The following SYNE1 variants were observed in gnomAD, a reference collection of about 807,000 sequenced individuals.
The protein encoded by SYNE1 is spectrin repeat containing nuclear envelope protein 1.
Under a neutral mutation model 1,111.0 loss-of-function variants are expected in SYNE1, and 616 were observed. The ratio of observed to expected loss-of-function variants is 0.55; its 90% CI spans 0.52 to 0.59. The LOEUF (loss-of-function observed/expected upper bound fraction) is 0.59. Ranked by LOEUF, SYNE1 falls within the 20% of genes least tolerant of loss-of-function variation. The pLI, the probability that SYNE1 is intolerant of heterozygous loss-of-function variation, is 0.00. For missense variants in SYNE1, 10,006 were observed against 10,417.0 expected (o/e 0.96, Z 1.72); for synonymous variants, 3,855 against 3,825.8 (o/e 1.01, Z -0.28).
At chr6:152,191,841 T>C (rs993157059) in intron 127 of SYNE1, among the ~76,000 whole-genome samples, 1 of 151,740 alleles carries the variant, frequency 6.6e-6, no homozygotes, top group African/African-American at 2.4e-5. Context: ...TGTTAGGTTA[T>C]TTATTTGAAG....
intron 101 of SYNE1, among the ~76,000 whole-genome samples, chr6:152,259,468 G>A (rs1304367519): frequency 2.6e-5 from 4 of 152,140 alleles, no homozygotes; most frequent in African/African-American, 9.7e-5. Flanking sequence ...AGGCCAAAAT[G>A]TGCCTGTTTT....
At chr6:152,218,959 G>A (rs2181895) in intron 120 of SYNE1, 44 bp downstream of exon 120, 1 of 1,587,414 alleles carries the variant, frequency 6.3e-7, no homozygotes, top group Admixed American at 1.7e-5. Flanking sequence ...CCAGATATTA[G>A]AGAACAGCCA....
At chr6:152,436,750 G>A (rs1018558270) in intron 32 of SYNE1, among the ~76,000 whole-genome samples, 9 of 152,172 alleles carry the variant, frequency 5.9e-5, no homozygotes, top group Admixed American at 4.6e-4. Context: ...TCACAAATAT[G>A]CTTACTTATT....
In SYNE1 at chr6:152,447,494, G is replaced by C. The variant is rs886044518; in HGVS notation, c.3633C>G (p.Ser1211=). ...QKQGDELAKL[S]SSFKALVTLL... is the part of the protein sequence containing the mutation. ...GCGTCACAAGAGCCTTGAAAGAGCT[G>C]GATAATTTTGCCAGCTCATCTCCCT... The change falls in exon 29 of 146, where the codon TCC becomes TCG. Residue 1211 remains serine, a synonymous_variant. Coordinates refer to ENST00000367255, the MANE Select transcript of SYNE1 (RefSeq NM_182961.4). 2.5e-6 allele frequency: 4 copies of C among 1,614,076 alleles called. No individual in the cohort carries two copies. Among genetic ancestry groups the C allele is most frequent in the Non-Finnish European group, 3.4e-6 (4 of 1,180,042 alleles).
chr6:152,422,401 G>A (rs1351751527), intron 39 of SYNE1, among the ~76,000 whole-genome samples: 1 of 152,186 alleles, frequency 6.6e-6, no homozygotes, highest in African/African-American at 2.4e-5. Flanking sequence ...CTAAGAGACT[G>A]ACTAAAGAAG....
intron 31 of SYNE1, 125 bp from the exon 32 acceptor site, chr6:152,441,395 G>A: frequency 2.0e-6 from 2 of 978,834 alleles, no homozygotes; most frequent in Non-Finnish European, 3.1e-6. Flanking sequence ...CAGTCACAAT[G>A]AATAGAGATG....
At chr6:152,554,652 G>T (rs1396580076) in intron 3 of SYNE1, among the ~76,000 whole-genome samples, 1 of 152,044 alleles carries the variant, frequency 6.6e-6, no homozygotes, top group Non-Finnish European at 1.5e-5. Context: ...CCTATCTAAG[G>T]TACCATTTTA....
chr6:152,428,530 A>G, intron 36 of SYNE1, 138 bp from the exon 37 acceptor site: 1 of 786,214 alleles, frequency 1.3e-6, no homozygotes, highest in East Asian at 2.7e-5. Context: ...GTACAAATAT[A>G]CAGTTTGATA....
intron 65 of SYNE1, 150 bp downstream of exon 65, chr6:152,359,165 C>A: frequency 1.8e-6 from 2 of 1,105,314 alleles, no homozygotes; most frequent in Admixed American, 1.9e-5. Context: ...TTTGATTTTG[C>A]CAGTAATTCC....
At chr6:152,139,686 AAGAAAAAGAAAG>A (rs1242753835) in intron 140 of SYNE1, among the ~76,000 whole-genome samples, 3 of 143,688 alleles carry the variant, frequency 2.1e-5, no homozygotes, top group Admixed American at 7.2e-5. Context: ...GAGAGAAAGA[AAGAAAAAGAAAG>A]AGAAAAAGAA....
intron 119 of SYNE1, 54 bp from the exon 120 acceptor site, chr6:152,219,239 A>G: frequency 6.4e-7 from 1 of 1,554,690 alleles, no homozygotes; most frequent in Non-Finnish European, 8.8e-7. Context: ...TCCTTATCAT[A>G]AACAGCAATC....
At chr6:152,360,645 C>A (rs549163654) in intron 64 of SYNE1, among the ~76,000 whole-genome samples, 13 of 152,252 alleles carry the variant, frequency 8.5e-5, no homozygotes, top group African/African-American at 3.1e-4. Flanking sequence ...GTTTTTACTG[C>A]TAGAATCGGG....
chr6:152,407,016 C>A lies in SYNE1; in HGVS notation c.6721G>T (p.Glu2241Ter). The A allele has an allele frequency of 6.2e-7, 1 of 1,613,016 alleles. No individual in the cohort carries two copies. Among genetic ancestry groups the A allele is most frequent in the Non-Finnish European group, 8.5e-7 (1 of 1,179,780 alleles). The change falls in exon 45 of 146, where the codon GAG (glutamate) becomes TAG (stop). Residue 2241 changes from glutamate (E) to a stop codon, truncating the protein, a stop_gained and splice_region_variant. Transcript: ENST00000367255. LOFTEE classifies it high-confidence loss of function. The part of the protein sequence containing the change: ...LRAEELLKEF[E>*]SEVKNKALRL... ...ATATGTCAACACAGTCAATTTACCTCAAATTCTTTAAGCAGTTCTTCAGCT... is the reference window on the plus strand; with the variant it reads ...ATATGTCAACACAGTCAATTTACCTAAAATTCTTTAAGCAGTTCTTCAGCT...
chr6:152,262,932 C>T (rs762496156), intron 100 of SYNE1, among the ~76,000 whole-genome samples: 2 of 149,826 alleles, frequency 1.3e-5, no homozygotes, highest in Non-Finnish European at 3.0e-5. Context: ...TAGCACAGGA[C>T]ACGGGGAGAT....
chr6:152,319,757 A>G (rs1487068509), intron 84 of SYNE1: 1 of 152,204 alleles, frequency 6.6e-6, no homozygotes. Context: ...TTTGGCCTTC[A>G]TTATTTTGAG....
intron 121 of SYNE1, among the ~76,000 whole-genome samples, chr6:152,215,781 G>A (rs1276458244): frequency 6.6e-6 from 1 of 152,196 alleles, no homozygotes; most frequent in South Asian, 2.1e-4. Flanking sequence ...AGGGAGGAAA[G>A]GGAGGCACAG....
chr6:152,231,383 T>C lies in SYNE1; in HGVS notation c.21039+8A>G, dbSNP rs957162618. 9 of 1,614,000 alleles carry C rather than the reference T, an allele frequency of 5.6e-6. No individual in the cohort carries two copies. In the African/African-American group the frequency reaches 1.1e-4, roughly 19 times the overall value. ...GTAAATCTGGACAGTGGGAAGCCAC[T>C]GGCTTACCTTCTCAGTTACTAGACC... On this transcript the variant is annotated splice_region_variant and intron_variant, in intron 114 of 145. Transcript: ENST00000367255.
chr6:152,612,219 GA>G (rs2099633269), intron 3 of SYNE1, among the ~76,000 whole-genome samples: 1 of 151,842 alleles, frequency 6.6e-6, no homozygotes, highest in African/African-American at 2.4e-5. Flanking sequence ...CTGGTTTTTT[GA>G]AAGGATCAAC....
rs1324534265 is a variant in SYNE1 at position 152,213,770 on chromosome 6, A to T, written c.22347-11T>A. 1.2e-6 allele frequency: 2 copies of T among 1,613,976 alleles called. No homozygotes were observed. The highest frequency in any genetic ancestry group is 1.7e-6 in the Non-Finnish European group (2 of 1,179,980). ...AATGACTGCAACTTGCTGAAAGAAC[A>T]AAGGGCAAGGAACAATGGTTATTTC... On this transcript the variant is annotated splice_polypyrimidine_tract_variant and intron_variant, in intron 122 of 145. Coordinates refer to ENST00000367255, the MANE Select transcript of SYNE1 (RefSeq NM_182961.4).
Sources: allele counts gnomAD v4.1 joint callset (sites outside exome capture counted in the v4.1 genomes callset), GRCh38; gene constraint gnomAD v4.1.1; transcripts MANE v1.5; gene names NCBI Gene and HGNC (gene_info 2026-07-23, HGNC 2026-07-21).